The following VPS13A variants were observed in gnomAD, a reference collection of about 807,000 sequenced individuals.
VPS13A encodes intermembrane lipid transfer protein VPS13A.
In VPS13A, 264 loss-of-function variants were observed where a neutral mutation model predicts 390.9. The observed-to-expected ratio is 0.68, with a 90% CI of 0.61 to 0.75. VPS13A has a LOEUF of 0.75. Among genes scored for constraint, VPS13A ranks in the 30% least tolerant of loss-of-function variants. VPS13A has a pLI of 0.00. For synonymous variants in VPS13A, 1,231 were observed against 1,227.1 expected, an observed-to-expected ratio of 1.00 and a Z score of -0.07; for missense variants, 3,409 against 3,733.9, an observed-to-expected ratio of 0.91 and a Z score of 2.27.
chr9:77,283,522 G>A lies in VPS13A; in HGVS notation c.3236-25G>A, dbSNP rs982417807. On this transcript the variant is annotated intron_variant, in intron 30 of 71. Coordinates refer to ENST00000360280, the MANE Select transcript of VPS13A (RefSeq NM_033305.3). Reference sequence around the variant, plus strand: ...TTAAAAGACATTAAATGAAAGAAAAGGCAGTCATTCTTTTGTTCCCTTAGG... The same window carrying A: ...TTAAAAGACATTAAATGAAAGAAAAAGCAGTCATTCTTTTGTTCCCTTAGG... The A allele has an allele frequency of 2.5e-6, 4 of 1,606,758 alleles. No individual in the cohort carries two copies. In the African/African-American group the frequency reaches 4.0e-5, roughly 16 times the overall value.
intron 23 of VPS13A, among the ~76,000 whole-genome samples, chr9:77,272,620 A>G (rs1381650759): frequency 6.6e-6 from 1 of 152,204 alleles, no homozygotes; most frequent in Non-Finnish European, 1.5e-5. Flanking sequence ...AGGCAGGGGT[A>G]AACGATGCAT....
chr9:77,312,640 C>T (rs1029321136), intron 35 of VPS13A, among the ~76,000 whole-genome samples: 2 of 152,060 alleles, frequency 1.3e-5, no homozygotes, highest in Non-Finnish European at 2.9e-5. Flanking sequence ...TGGTCTCGAT[C>T]GCCTGACCTC....
rs374439196 is a variant in VPS13A, at chr9:77,351,328, A to T, written c.7301A>T (p.Glu2434Val). 5.0e-6 allele frequency: 8 copies of T among 1,613,518 alleles called. No homozygotes were observed. In the Admixed American group the frequency reaches 8.3e-5, roughly 17 times the overall value. Residue 2434 changes from glutamate to valine, a missense_variant, in exon 53 of 72, where the codon GAA (glutamate) becomes GTA (valine). Transcript: ENST00000360280. Reference sequence around the variant, plus strand: ...TGCTACTGTGTCAGTTCTCTCAGTGAAATAGAAGATTCCCTCCCTCCTGGT... The same window carrying T: ...TGCTACTGTGTCAGTTCTCTCAGTGTAATAGAAGATTCCCTCCCTCCTGGT... The part of the protein sequence containing the change: ...LVQYNQSSLS[E>V]IEDSLPPGKA...
intron 61 of VPS13A, 25 bp downstream of exon 61, chr9:77,366,897 A>T: frequency 6.2e-7 from 1 of 1,606,110 alleles, no homozygotes; most frequent in South Asian, 1.1e-5. Flanking sequence ...CAAATCTGTA[A>T]ATTGATGGAA....
At chr9:77,367,317 G>A (rs1269084272) in intron 61 of VPS13A, among the ~76,000 whole-genome samples, 1 of 152,184 alleles carries the variant, frequency 6.6e-6, no homozygotes, top group Non-Finnish European at 1.5e-5. Flanking sequence ...TTTAATATGA[G>A]TCATAATGAA....
At chr9:77,267,519 G>A (rs981855638) in intron 23 of VPS13A, among the ~76,000 whole-genome samples, 1 of 152,158 alleles carries the variant, frequency 6.6e-6, no homozygotes, top group African/African-American at 2.4e-5. Flanking sequence ...AAAGATTGCT[G>A]CCTGTTCCTT....
rs889948804 is a variant in VPS13A at position 77,382,687 on chromosome 9, T to C, written c.9189+600T>C. On this transcript the variant is annotated intron_variant, in intron 68 of 71. Transcript: ENST00000360280. ...ATTGTGAATTACTCTTGGATTCTTG[T>C]GCTTTGCCTTTGAAAATGCTTAAAT... 8 of 990,838 alleles carry C rather than the reference T, an allele frequency of 8.1e-6. No homozygotes were observed. In the African/African-American group the frequency reaches 1.2e-4, roughly 15 times the overall value. 61.4% of individuals were successfully genotyped at this position (990,838 alleles called of 1,614,324 possible). A position where few individuals can be genotyped will look rare whatever the true frequency, so the allele number is the denominator to read the frequency against.
rs958209450 is a variant in VPS13A, at chr9:77,365,592, T to C, written c.8325+19T>C. Reference sequence around the variant, plus strand: ...TATCAAGGTAGGAGAAAGTCATTTTTATTGTCCTTGATAATCTAGGTAATA... The same window carrying C: ...TATCAAGGTAGGAGAAAGTCATTTTCATTGTCCTTGATAATCTAGGTAATA... On this transcript the variant is annotated intron_variant, in intron 60 of 71. Transcript: ENST00000360280. The C allele has an allele frequency of 2.7e-6, 4 of 1,496,356 alleles. No individual in the cohort carries two copies. The highest frequency in any genetic ancestry group is 3.7e-6 in the Non-Finnish European group (4 of 1,074,682). 92.7% of individuals were successfully genotyped at this position (1,496,356 alleles called of 1,614,324 possible).
intron 53 of VPS13A, 72 bp downstream of exon 53, chr9:77,351,518 T>G: frequency 6.4e-7 from 1 of 1,569,536 alleles, no homozygotes; most frequent in Non-Finnish European, 8.7e-7. Context: ...GTGCGGTGGC[T>G]CACGCCTGTA....
At chr9:77,382,468 T>C in intron 68 of VPS13A, 1 of 1,354,474 alleles carries the variant, frequency 7.4e-7, no homozygotes, top group Non-Finnish European at 9.5e-7. Flanking sequence ...GTGTTCTTAG[T>C]TCTGCACTGG....
At chr9:77,217,825 G>A (rs1047866174) in intron 10 of VPS13A, among the ~76,000 whole-genome samples, 28 of 149,542 alleles carry the variant, frequency 1.9e-4, no homozygotes, top group African/African-American at 5.4e-4. Context: ...CTTTCGGGTA[G>A]ATACCCAGTA....
At chr9:77,207,810 G>A (rs1408849896) in intron 5 of VPS13A, among the ~76,000 whole-genome samples, 2 of 152,022 alleles carry the variant, frequency 1.3e-5, no homozygotes, top group African/African-American at 2.4e-5. Context: ...GCTATTTTTT[G>A]TTTGGTGGGG....
In VPS13A at chr9:77,177,685, G is replaced by C. The variant is rs2131029835; in HGVS notation, c.-20G>C. The C allele has an allele frequency of 6.2e-7, 1 of 1,610,822 alleles. No individual in the cohort carries two copies. The highest frequency in any genetic ancestry group is 1.7e-4 in the Middle Eastern group (1 of 6,048). Reference sequence around the variant, plus strand: ...GAGGAGCGCACGGGCCGGCTGCCGTGCCCACCACGGCTGAGGAACATGGTT... The same window carrying C: ...GAGGAGCGCACGGGCCGGCTGCCGTCCCCACCACGGCTGAGGAACATGGTT... On this transcript the variant is annotated 5_prime_UTR_variant, in exon 1 of 72. Transcript: ENST00000360280.
At chr9:77,221,101 G>A (rs1166922251) in intron 12 of VPS13A, 84 bp from the exon 13 acceptor site, 12 of 1,264,960 alleles carry the variant, frequency 9.5e-6, no homozygotes, top group Non-Finnish European at 1.4e-5. Flanking sequence ...TTATAGTTAT[G>A]TATGTTGTTA....
chr9:77,344,861 C>A, intron 51 of VPS13A, 148 bp from the exon 52 acceptor site: 1 of 802,750 alleles, frequency 1.2e-6, no homozygotes, highest in Non-Finnish European at 2.0e-6. Flanking sequence ...TATAGATTTC[C>A]AGAAATGCAG....
rs1473679004 is a variant in VPS13A, at chr9:77,177,580, G to T, written c.-125G>T. On this transcript the variant is annotated 5_prime_UTR_variant, in exon 1 of 72. Transcript: ENST00000360280. ...CGCTAGGGCTGCGCGTTGGGCCAGC[G>T]GGGGCGCCGCAGCTGAAGCCGCCCC... 1 of 841,970 alleles carries T rather than the reference G, an allele frequency of 1.2e-6. No individual in the cohort carries two copies. Among genetic ancestry groups the T allele is most frequent in the Non-Finnish European group, 1.9e-6 (1 of 517,486 alleles). 52.2% of individuals were successfully genotyped at this position (841,970 alleles called of 1,614,324 possible).
intron 1 of VPS13A, among the ~76,000 whole-genome samples, chr9:77,199,063 T>C (rs752854894): frequency 5.9e-5 from 9 of 152,224 alleles, no homozygotes; most frequent in Non-Finnish European, 1.3e-4. Flanking sequence ...GGACTTAATA[T>C]TGCCATTTTG....
chr9:77,188,906 A>G (rs1206882474), intron 1 of VPS13A, among the ~76,000 whole-genome samples: 1 of 151,654 alleles, frequency 6.6e-6, no homozygotes, highest in African/African-American at 2.4e-5. Context: ...TCTTGGCCGC[A>G]TGTGTCTTTT....
At chr9:77,208,239 T>C (rs565609161) in intron 5 of VPS13A, among the ~76,000 whole-genome samples, 1 of 152,290 alleles carries the variant, frequency 6.6e-6, no homozygotes, top group African/African-American at 2.4e-5. Context: ...TTCTATAATC[T>C]ATTTATATGT....
Sources: gnomAD v4.1 joint callset for allele counts (sites outside exome capture counted in the v4.1 genomes callset) on GRCh38, gnomAD v4.1.1 for gene constraint, MANE v1.5 for transcripts, NCBI Gene and HGNC (gene_info 2026-07-23, HGNC 2026-07-21) for gene names.